The following EPB41L4B variants were observed in gnomAD, a reference collection of about 807,000 sequenced individuals.
The protein encoded by EPB41L4B is erythrocyte membrane protein band 4.1 like 4B.
EPB41L4B carries 30 observed loss-of-function variants against 112.5 expected under a neutral mutation model. The observed-to-expected ratio is 0.27, with a 90% confidence interval of 0.20 to 0.36. The LOEUF (loss-of-function observed/expected upper bound fraction) is 0.36, where lower values mean the gene tolerates loss of function less well. EPB41L4B is among the 10% of genes least tolerant of loss of function. The pLI, the probability that EPB41L4B is intolerant of heterozygous loss-of-function variation, is 1.00. For missense variants in EPB41L4B, 1,024 were observed against 1,133.3 expected (o/e 0.90, Z 1.38); for synonymous variants, 408 against 439.7 (o/e 0.93, Z 0.90).
intron 15 of EPB41L4B, chr9:109,241,410 C>A: frequency 8.1e-7 from 1 of 1,229,364 alleles, no homozygotes; most frequent in Non-Finnish European, 1.0e-6. Flanking sequence ...ACTTTGACTC[C>A]AATTTTAAAA....
intron 15 of EPB41L4B, among the ~76,000 whole-genome samples, chr9:109,232,594 C>T (rs572332558): frequency 6.6e-6 from 1 of 152,270 alleles, no homozygotes; most frequent in Non-Finnish European, 1.5e-5. Context: ...GTTATTTTTC[C>T]ACTCCCCAGA....
intron 1 of EPB41L4B, among the ~76,000 whole-genome samples, chr9:109,309,236 A>G (rs556800394): frequency 1.3e-5 from 2 of 152,244 alleles, no homozygotes; most frequent in Non-Finnish European, 2.9e-5. Flanking sequence ...ATATGCTTAG[A>G]AAATTCCATA....
At chr9:109,228,652 A>G (rs1470569080) in intron 15 of EPB41L4B, among the ~76,000 whole-genome samples, 3 of 152,350 alleles carry the variant, frequency 2.0e-5, no homozygotes, top group Non-Finnish European at 4.4e-5. Context: ...AAGCACAACA[A>G]AAGTCAGGTA....
chr9:109,231,090 T>C (rs903508084), intron 15 of EPB41L4B, among the ~76,000 whole-genome samples: 20 of 142,440 alleles, frequency 1.4e-4, no homozygotes, highest in African/African-American at 5.4e-4. Flanking sequence ...ATCTGGGAGG[T>C]GGAGGTTGCA....
At chr9:109,312,099 G>C (rs1837434653) in intron 1 of EPB41L4B, among the ~76,000 whole-genome samples, 1 of 152,052 alleles carries the variant, frequency 6.6e-6, no homozygotes, top group African/African-American at 2.4e-5. Flanking sequence ...CACAAAAGAG[G>C]GCACCAAACT....
intron 1 of EPB41L4B, among the ~76,000 whole-genome samples, chr9:109,293,507 T>TG (rs1414986433): frequency 6.6e-6 from 1 of 151,808 alleles, no homozygotes; most frequent in African/African-American, 2.4e-5. Context: ...CTCAGCCTCC[T>TG]GAGTAGCTGG....
chr9:109,175,557 C>T lies in EPB41L4B; in HGVS notation c.2634-934G>A, dbSNP rs535306535. On this transcript the variant is annotated intron_variant, in intron 25 of 25. Coordinates refer to ENST00000374566, the MANE Select transcript of EPB41L4B (RefSeq NM_019114.5). ...TCATTGTTTTTAGTTAGAGATGGGGCCTTGCTATGTTGCCCAGGCTGGACT... is the reference window on the plus strand; with the variant it reads ...TCATTGTTTTTAGTTAGAGATGGGGTCTTGCTATGTTGCCCAGGCTGGACT... 4.0e-5 allele frequency among the ~76,000 whole-genome samples: 6 copies of T among 148,450 alleles called. No homozygotes were observed. The East Asian group carries it at 1.2e-3, about 31-fold the overall frequency.
At chr9:109,219,213 T>C (rs1401632) in intron 15 of EPB41L4B, among the ~76,000 whole-genome samples, 12,208 of 152,246 alleles carry the variant, frequency 0.08, 607 homozygotes, top group African/African-American at 0.14. Flanking sequence ...AATGAGAGTG[T>C]TCTGGAATGT....
chr9:109,174,473 G>T lies in EPB41L4B; in HGVS notation c.*81C>A, dbSNP rs1356458034. The T allele has an allele frequency of 2.3e-6, 3 of 1,311,154 alleles. No individual in the cohort carries two copies. The South Asian group carries it at 3.5e-5, about 16-fold the overall frequency. The allele number at this position is 1,311,154 out of a possible 1,614,324, so 81.2% of individuals were successfully genotyped here. On this transcript the variant is annotated 3_prime_UTR_variant, in exon 26 of 26. Transcript: ENST00000374566. ...AACAGAGCACACACTTGTATGCTGT[G>T]CTAGAGTGAGCACACAAAGCCCGAA...
rs754948505 is a variant in EPB41L4B at position 109,263,102 on chromosome 9, T to A, written c.579A>T (p.Lys193Asn). 9.5e-6 allele frequency: 15 copies of A among 1,583,564 alleles called. No homozygotes were observed. The highest frequency in any genetic ancestry group is 1.1e-5 in the Non-Finnish European group (13 of 1,158,802). ...LQLRHDILSG[K>N]LKCPYETAVE... ...CAGCTGTTTCATAAGGGCATTTCAA[T>A]CTTGAAAAAAATAAAATGAAATTAA... Residue 193 changes from lysine to asparagine, a missense_variant and splice_region_variant, in exon 6 of 26, where the codon AAA becomes AAT. Transcript: ENST00000374566.
chr9:109,197,316 G>A (rs1047030138), intron 20 of EPB41L4B, among the ~76,000 whole-genome samples: 4 of 152,102 alleles, frequency 2.6e-5, no homozygotes, highest in African/African-American at 9.7e-5. Context: ...CCAGCTACTC[G>A]GCAGGCTGAG....
At chr9:109,283,535 T>G (rs1378631753) in intron 1 of EPB41L4B, among the ~76,000 whole-genome samples, 1 of 151,970 alleles carries the variant, frequency 6.6e-6, no homozygotes, top group South Asian at 2.1e-4. Flanking sequence ...CCACGATACA[T>G]CAACACTCCA....
chr9:109,232,837 A>G lies in EPB41L4B; in HGVS notation c.1409+10781T>C, dbSNP rs74992576. ...CATTAGTGCTTAAAAATTTCCGCAAATGATCCTCTCTCTGTTCCCCAATTC... is the reference window on the plus strand; with the variant it reads ...CATTAGTGCTTAAAAATTTCCGCAAGTGATCCTCTCTCTGTTCCCCAATTC... On this transcript the variant is annotated intron_variant, in intron 15 of 25. Transcript: ENST00000374566. Among the ~76,000 whole-genome samples, 7 of 152,302 alleles carry G rather than the reference A, an allele frequency of 4.6e-5. No homozygotes were observed. In the East Asian group the frequency reaches 1.3e-3, roughly 29 times the overall value.
At chr9:109,320,066 T>A in intron 1 of EPB41L4B, 75 bp downstream of exon 1, 1 of 1,250,520 alleles carries the variant, frequency 8.0e-7, no homozygotes, top group South Asian at 2.2e-5. Flanking sequence ...GCGCCCCCGA[T>A]GCAAGCACTG....
At chr9:109,280,969 A>AAAGACCTAAATGT (rs1216192823) in intron 1 of EPB41L4B, among the ~76,000 whole-genome samples, 8 of 152,210 alleles carry the variant, frequency 5.3e-5, no homozygotes, top group Admixed American at 3.3e-4. Flanking sequence ...AAAGTGCATC[A>AAAGACCTAAATGT]AAGACCTAAA....
chr9:109,173,585 C>T lies in EPB41L4B; in HGVS notation c.*969G>A, dbSNP rs762487782. ...TGACAAGAGGAGACAAGTGTTAGGC[C>T]GAGAAGTAAAACAAAGGAGAATGTA... On this transcript the variant is annotated 3_prime_UTR_variant, in exon 26 of 26. Transcript: ENST00000374566. 3.3e-5 allele frequency: 5 copies of T among 152,046 alleles called. No homozygotes were observed. Among genetic ancestry groups the T allele is most frequent in the Admixed American group, 1.3e-4 (2 of 15,216 alleles). 9.4% of individuals were successfully genotyped at this position (152,046 alleles called of 1,614,324 possible).
intron 13 of EPB41L4B, among the ~76,000 whole-genome samples, chr9:109,250,738 G>T (rs1048003183): frequency 2.6e-5 from 4 of 152,178 alleles, no homozygotes; most frequent in Non-Finnish European, 4.4e-5. Context: ...ATGCTCACCA[G>T]ATCATTCTAC....
Position 109,320,845 on chromosome 9 carries a change from G to C in EPB41L4B, c.-399C>G, listed in dbSNP as rs1353257578. On this transcript the variant is annotated 5_prime_UTR_variant, in exon 1 of 26. Transcript: ENST00000374566. ...CGGGCTGCTCCCGCGCCGCGCGCCG[G>C]CCGAGGGCCAGCCGGAGCAGGGCGC... is the stretch of plus-strand genomic sequence containing the variant. The C allele has an allele frequency of 1.4e-5, 2 of 146,354 alleles. No homozygotes were observed. The highest frequency in any genetic ancestry group is 3.0e-5 in the Non-Finnish European group (2 of 65,728). The allele number at this position is 146,354 out of a possible 1,614,324, so 9.1% of individuals were successfully genotyped here.
chr9:109,287,799 A>G (rs1446830185), intron 1 of EPB41L4B, among the ~76,000 whole-genome samples: 1 of 152,002 alleles, frequency 6.6e-6, no homozygotes, highest in African/African-American at 2.4e-5. Context: ...ATGGGGTCCC[A>G]CTATGTTGCC....
Sources: allele counts gnomAD v4.1 joint callset (sites outside exome capture counted in the v4.1 genomes callset), GRCh38; gene constraint gnomAD v4.1.1; transcripts MANE v1.5; gene names NCBI Gene and HGNC (gene_info 2026-07-23, HGNC 2026-07-21).